Variants in NDE1 observed in about 807,000 individuals in gnomAD.
NDE1 encodes nudE neurodevelopment protein 1.
A neutral mutation model predicts 43.4 loss-of-function variants in NDE1; 28 were observed. The ratio of observed to expected loss-of-function variants is 0.65; its 90% CI spans 0.48 to 0.89. NDE1 has a LOEUF of 0.89. Among genes scored for constraint, NDE1 ranks in the 40% least tolerant of loss-of-function variants. The probability of loss-of-function intolerance (pLI) is 0.00; values close to 1 mark genes in which losing one functional copy is unlikely to be tolerated. For synonymous variants in NDE1, 184 were observed against 172.0 expected (o/e 1.07, Z -0.55); for missense variants, 441 against 434.1 (o/e 1.02, Z -0.14).
chr16:15,716,147 T>C (rs1596700452), intron 8 of NDE1, among the ~76,000 whole-genome samples: 1 of 151,934 alleles, frequency 6.6e-6, no homozygotes, highest in African/African-American at 2.4e-5. Context: ...CAGACTGGTC[T>C]CGAACTCCTG....
intron 3 of NDE1, among the ~76,000 whole-genome samples, chr16:15,675,786 C>T (rs749155148): frequency 4.6e-5 from 7 of 151,866 alleles, no homozygotes; most frequent in African/African-American, 1.5e-4. Flanking sequence ...CAAGAGAGCT[C>T]GGGAGTGGGC....
chr16:15,680,565 G>C (rs184687668), intron 4 of NDE1, among the ~76,000 whole-genome samples: 1 of 152,030 alleles, frequency 6.6e-6, no homozygotes, highest in African/African-American at 2.4e-5. Flanking sequence ...ATGGAGTCTC[G>C]CTCTGTCTCC....
At chr16:15,661,571 G>A (rs534897384) in intron 1 of NDE1, among the ~76,000 whole-genome samples, 2 of 151,602 alleles carry the variant, frequency 1.3e-5, no homozygotes, top group African/African-American at 4.8e-5. Flanking sequence ...TCATCCTCTC[G>A]AGTAGCTGGA....
chr16:15,665,302 G>A (rs2037246971), intron 2 of NDE1, among the ~76,000 whole-genome samples: 1 of 152,112 alleles, frequency 6.6e-6, no homozygotes, highest in Non-Finnish European at 1.5e-5. Context: ...CCATTATATA[G>A]ATGAAGAAAC....
Position 15,673,547 on chromosome 16 carries a change from A to AT in NDE1, c.238-4238dup, listed in dbSNP as rs34853720. 6.6e-3 allele frequency among the ~76,000 whole-genome samples: 902 copies of AT among 137,566 alleles called. 15 individuals carry two copies. The highest frequency in any genetic ancestry group is 0.014 in the African/African-American group (529 of 37,410). 90.2% of individuals were successfully genotyped at this position (137,566 alleles called of 152,430 possible). On this transcript the variant is annotated intron_variant, in intron 3 of 8. Transcript: ENST00000396354. The stretch of plus-strand genomic sequence containing the variant: ...TTCGCCATGTTGCCCCAGGCTGGTG[A>AT]TTTTTTTTTTTTTTTTAAGCGTTGG...
chr16:15,703,960 C>T, intron 8 of NDE1: 11 of 1,613,522 alleles, frequency 6.8e-6, no homozygotes, highest in Non-Finnish European at 9.3e-6. Context: ...TTTTGGTTTT[C>T]TTGCCGTGGT....
intron 2 of NDE1, among the ~76,000 whole-genome samples, chr16:15,666,834 G>A (rs2037331808): frequency 6.6e-6 from 1 of 152,076 alleles, no homozygotes; most frequent in South Asian, 2.1e-4. Context: ...ATGTTGCCCT[G>A]GCTGGTCTGG....
intron 1 of NDE1, among the ~76,000 whole-genome samples, chr16:15,658,121 C>T (rs537936093): frequency 2.6e-4 from 39 of 152,306 alleles, no homozygotes; most frequent in African/African-American, 7.9e-4. Flanking sequence ...GTTTTGGCTT[C>T]ACTCTGAGGC....
intron 4 of NDE1, among the ~76,000 whole-genome samples, chr16:15,683,763 A>G (rs768547894): frequency 6.6e-6 from 1 of 152,178 alleles, no homozygotes; most frequent in Non-Finnish European, 1.5e-5. Flanking sequence ...CATGCCTGTA[A>G]TCTGTCATCT....
chr16:15,718,038 C>T, intron 8 of NDE1: 1 of 539,952 alleles, frequency 1.9e-6, no homozygotes, highest in Non-Finnish European at 3.3e-6. Context: ...AAGAGCATCC[C>T]AAGGCCCGGA....
At position 15,714,855 on chromosome 16, in the gene NDE1, A is replaced by G. The variant is rs1838934039; in HGVS notation, c.948-9336A>G. ...CAGGCCGAAAGGAGCCCGAGCCCCCAGTGCTTTTCTCTGGCCTGAGAGACG... is the reference window on the plus strand; with the variant it reads ...CAGGCCGAAAGGAGCCCGAGCCCCCGGTGCTTTTCTCTGGCCTGAGAGACG... On this transcript the variant is annotated intron_variant, in intron 8 of 8. Transcript: ENST00000396354. 5.6e-6 allele frequency: 9 copies of G among 1,606,584 alleles called. No homozygotes were observed. The Admixed American group carries it at 1.2e-4, about 21-fold the overall frequency.
At chr16:15,703,446 C>T (rs2039292247) in intron 8 of NDE1, 1 of 239,910 alleles carries the variant, frequency 4.2e-6, no homozygotes, top group Non-Finnish European at 8.2e-6. Context: ...GGACCGGTTA[C>T]CGTGGATATG....
chr16:15,643,784 A>G (rs1380271540), exon 1 of NDE1: 1 of 161,068 alleles, frequency 6.2e-6, no homozygotes, highest in African/African-American at 2.4e-5. Context: ...CAAAGACTCA[A>G]CTGGACATTG....
At chr16:15,715,659 G>C (rs1442808833) in intron 8 of NDE1, among the ~76,000 whole-genome samples, 2 of 152,142 alleles carry the variant, frequency 1.3e-5, no homozygotes, top group African/African-American at 4.8e-5. Context: ...AGGTCTTGCT[G>C]TGTGACCCAG....
intron 8 of NDE1, chr16:15,721,648 C>T (rs1326060694): frequency 6.2e-7 from 1 of 1,614,014 alleles, no homozygotes; most frequent in South Asian, 1.1e-5. Context: ...CAACACAAGA[C>T]CCAGAGGTGA....
rs2040460044 is a variant in NDE1, at chr16:15,721,229, C to T, written c.948-2962C>T. 3.2e-6 allele frequency: 3 copies of T among 939,288 alleles called. No homozygotes were observed. The Admixed American group carries it at 6.1e-5, about 19-fold the overall frequency. The allele number at this position is 939,288 out of a possible 1,614,324, so 58.2% of individuals were successfully genotyped here. A position where few individuals can be genotyped will look rare whatever the true frequency, so the allele number is the denominator to read the frequency against. ...CAGACCCCAGCCTTATCCTCGGACC[C>T]CCCAACTCAGACCCATCCTCGACTG... is the stretch of plus-strand genomic sequence containing the variant. On this transcript the variant is annotated intron_variant, in intron 8 of 8. Transcript: ENST00000396354.
intron 6 of NDE1, among the ~76,000 whole-genome samples, chr16:15,691,610 A>G (rs959904483): frequency 1.3e-5 from 2 of 149,122 alleles, no homozygotes; most frequent in South Asian, 2.1e-4. Flanking sequence ...AGCTTTTTCC[A>G]TTCTTCAAAG....
At position 15,721,482 on chromosome 16, in the gene NDE1, G is replaced by A. The variant is rs775411322; in HGVS notation, c.948-2709G>A. 7 of 1,614,068 alleles carry A rather than the reference G, an allele frequency of 4.3e-6. No homozygotes were observed. Among genetic ancestry groups the A allele is most frequent in the South Asian group, 3.3e-5 (3 of 91,078 alleles). ...CTTCCATTTCGGCTTTGAGCATTTT[G>A]TTGGTCCGCTCGAGTTCCTCTTTGG... On this transcript the variant is annotated intron_variant, in intron 8 of 8. Coordinates refer to ENST00000396354, the MANE Select transcript of NDE1 (RefSeq NM_017668.3).
intron 4 of NDE1, among the ~76,000 whole-genome samples, chr16:15,678,643 G>A (rs1178814926): frequency 6.6e-6 from 1 of 152,116 alleles, no homozygotes; most frequent in Admixed American, 6.6e-5. Flanking sequence ...GCCCAGCCCA[G>A]TGATTCCTAA....
Sources: gnomAD v4.1 joint callset for allele counts (sites outside exome capture counted in the v4.1 genomes callset) on GRCh38, gnomAD v4.1.1 for gene constraint, MANE v1.5 for transcripts, NCBI Gene and HGNC (gene_info 2026-07-23, HGNC 2026-07-21) for gene names.